Variants in ENO1 observed in about 807,000 individuals in gnomAD.
ENO1 encodes the protein enolase 1, also known as alpha-enolase.
ENO1 carries 33 observed loss-of-function variants against 46.3 expected under a neutral mutation model. That is an observed-to-expected ratio of 0.71 (90% CI 0.54 to 0.95). The LOEUF (loss-of-function observed/expected upper bound fraction) is 0.95, where lower values mean the gene tolerates loss of function less well. Among genes scored for constraint, ENO1 ranks in the 40% least tolerant of loss-of-function variants. ENO1 has a pLI of 0.00. For missense variants in ENO1, 488 were observed against 553.3 expected (o/e 0.88, Z 1.18); for synonymous variants, 220 against 216.0 (o/e 1.02, Z -0.16).
intron 3 of ENO1, chr1:8,870,796 T>C: frequency 7.1e-7 from 1 of 1,399,162 alleles, no homozygotes; most frequent in East Asian, 2.5e-5. Context: ...AAACGCCAAC[T>C]GCAGACTAAA....
intron 7 of ENO1, 176 bp downstream of exon 7, chr1:8,866,103 A>C (rs1642508148): frequency 3.6e-6 from 2 of 554,968 alleles, no homozygotes; most frequent in East Asian, 6.0e-5. Context: ...AGAAAAAAAT[A>C]AGTAAAATAA....
intron 3 of ENO1, 69 bp from the exon 4 acceptor site, chr1:8,870,579 A>G (rs1486169048): frequency 6.8e-6 from 11 of 1,607,322 alleles, no homozygotes; most frequent in Non-Finnish European, 9.3e-6. Context: ...ATTGTTAGAG[A>G]GAACCACTGT....
chr1:8,868,642 C>T (rs191910297), intron 4 of ENO1, among the ~76,000 whole-genome samples: 170 of 152,286 alleles, frequency 1.1e-3, no homozygotes, highest in Non-Finnish European at 1.5e-3. Context: ...GTACTGAGAA[C>T]TGGCTCAAAG....
At chr1:8,866,891 G>A (rs1246148409) in intron 6 of ENO1, among the ~76,000 whole-genome samples, 1 of 152,202 alleles carries the variant, frequency 6.6e-6, no homozygotes, top group Non-Finnish European at 1.5e-5. Flanking sequence ...TCACAGCCTA[G>A]CAAGGAAAGT....
At chr1:8,872,058 G>T in intron 2 of ENO1, 72 bp from the exon 3 acceptor site, 1 of 1,254,168 alleles carries the variant, frequency 8.0e-7, no homozygotes. Flanking sequence ...GTCCCCTCCC[G>T]CCCACAGATG....
chr1:8,870,470 C>G lies in ENO1; in HGVS notation c.222G>C (p.Ala74=). ...GTCCTACCTTGCTAACCAGGGCAGG[C>G]GCAATAGTTTTATTGATGTGCTCAA... ...KAVEHINKTI[A]PALVSKKLNV... Residue 74 remains alanine, a synonymous_variant, in exon 4 of 12, where the codon GCG becomes GCC. Transcript: ENST00000234590. The G allele has an allele frequency of 6.2e-7, 1 of 1,614,096 alleles. No homozygotes were observed. The highest frequency in any genetic ancestry group is 8.5e-7 in the Non-Finnish European group (1 of 1,180,014).
chr1:8,865,254 G>T, intron 8 of ENO1, 31 bp downstream of exon 8: 2 of 1,610,346 alleles, frequency 1.2e-6, no homozygotes, highest in Non-Finnish European at 8.5e-7. Context: ...TCAGTGGCAG[G>T]AAAGGGAGAT....
At chr1:8,876,403 T>C (rs2124110561) in intron 1 of ENO1, 1 of 152,356 alleles carries the variant, frequency 6.6e-6, no homozygotes, top group Non-Finnish European at 1.5e-5. Context: ...TTAGATTTAA[T>C]TTTGCGTTTT....
At chr1:8,876,082 T>A (rs901403994) in intron 1 of ENO1, 4 of 152,058 alleles carry the variant, frequency 2.6e-5, no homozygotes, top group Admixed American at 2.6e-4. Context: ...AAATACCAAT[T>A]CCTCAAAGAA....
rs576980438 is a variant in ENO1, at chr1:8,869,929, C to T, written c.240+523G>A. Among the ~76,000 whole-genome samples the T allele has an allele frequency of 7.2e-5, 11 of 152,234 alleles. No homozygotes were observed. In the South Asian group the frequency reaches 1.2e-3, roughly 17 times the overall value. On this transcript the variant is annotated intron_variant, in intron 4 of 11. Transcript: ENST00000234590. Reference sequence around the variant, plus strand: ...GAGCGCCACAGGAATTACGGAGGGACGGGCCGAAGGGAGGGTAAATGAGAT... The same window carrying T: ...GAGCGCCACAGGAATTACGGAGGGATGGGCCGAAGGGAGGGTAAATGAGAT...
intron 9 of ENO1, 114 bp downstream of exon 9, chr1:8,863,777 C>T (rs951785102): frequency 4.3e-5 from 52 of 1,211,034 alleles, no homozygotes; most frequent in Non-Finnish European, 5.6e-5. Flanking sequence ...TGTTAAAATT[C>T]CAGCGAGTCC....
intron 11 of ENO1, among the ~76,000 whole-genome samples, chr1:8,862,146 C>CA (rs1642418134): frequency 6.6e-6 from 1 of 151,420 alleles, no homozygotes; most frequent in Admixed American, 6.6e-5. Flanking sequence ...AGATCCCTCT[C>CA]AAAAAAATAA....
intron 8 of ENO1, 77 bp from the exon 9 acceptor site, chr1:8,864,169 C>A: frequency 6.7e-7 from 1 of 1,501,876 alleles, no homozygotes; most frequent in Non-Finnish European, 9.3e-7. Context: ...CTTGCTTCCC[C>A]CTTGACTTGC....
At position 8,867,153 on chromosome 1, in the gene ENO1, G is replaced by C; in HGVS notation, c.408C>G (p.Asp136Glu). Residue 136 changes from aspartate to glutamate, a missense_variant, in exon 6 of 12, where the codon GAC becomes GAG. Transcript: ENST00000234590. ...GGATGACTTCAGAGTTGCCAGCCAA[G>C]TCAGCGATGTGGCGGTACAGGGGGA... Reference protein sequence around the residue: ...KGVPLYRHIADLAGNSEVILP... With the variant: ...KGVPLYRHIAELAGNSEVILP... 6.2e-7 allele frequency: 1 copy of C among 1,614,196 alleles called. No homozygotes were observed. The highest frequency in any genetic ancestry group is 8.5e-7 in the Non-Finnish European group (1 of 1,180,018).
chr1:8,876,544 T>A (rs1371346427), intron 1 of ENO1, among the ~76,000 whole-genome samples: 1 of 152,198 alleles, frequency 6.6e-6, no homozygotes, highest in Non-Finnish European at 1.5e-5. Context: ...GTCATACTTT[T>A]AAAGGCAATT....
intron 2 of ENO1, 102 bp from the exon 3 acceptor site, chr1:8,872,088 G>GT (rs1642645768): frequency 1.1e-6 from 1 of 931,638 alleles, no homozygotes; most frequent in Middle Eastern, 2.1e-4. Flanking sequence ...TTAGGGAGCT[G>GT]TTTCTTCCTC....
chr1:8,869,408 C>T (rs1642585973), intron 4 of ENO1, among the ~76,000 whole-genome samples: 2 of 132,758 alleles, frequency 1.5e-5, no homozygotes, highest in South Asian at 4.8e-4. Flanking sequence ...CAGAGTGCCA[C>T]AAAAGCCAGG....
chr1:8,877,086 T>G (rs1642750669), intron 1 of ENO1, among the ~76,000 whole-genome samples: 1 of 150,442 alleles, frequency 6.6e-6, no homozygotes, highest in Non-Finnish European at 1.5e-5. Context: ...GCCTCCAGAG[T>G]AGCTGGGACT....
At chr1:8,872,443 C>A (rs1015321022) in intron 2 of ENO1, among the ~76,000 whole-genome samples, 7 of 151,794 alleles carry the variant, frequency 4.6e-5, no homozygotes, top group Non-Finnish European at 1.0e-4. Context: ...GAGTGTATGG[C>A]GTGATCTTGG....
Sources: gnomAD v4.1 joint callset for allele counts (sites outside exome capture counted in the v4.1 genomes callset) on GRCh38, gnomAD v4.1.1 for gene constraint, MANE v1.5 for transcripts, NCBI Gene and HGNC (gene_info 2026-07-23, HGNC 2026-07-21) for gene names.